RORA: variants seen among roughly 807,000 people sequenced by gnomAD.
The protein encoded by RORA is RAR related orphan receptor A, also known as nuclear receptor ROR-alpha.
RORA carries 7 observed loss-of-function variants against 69.5 expected under a neutral mutation model. The observed-to-expected ratio is 0.10, with a 90% CI of 0.06 to 0.19. RORA has a LOEUF of 0.19. Among genes scored for constraint, RORA ranks in the 10% least tolerant of loss-of-function variants. The probability of loss-of-function intolerance (pLI) is 1.00; values close to 1 mark genes in which losing one functional copy is unlikely to be tolerated. For synonymous variants in RORA, 261 were observed against 240.8 expected (o/e 1.08, Z -0.78); for missense variants, 457 against 663.0 (o/e 0.69, Z 3.41).
At chr15:61,135,295 C>A (rs978714471) in intron 1 of RORA, among the ~76,000 whole-genome samples, 9 of 151,924 alleles carry the variant, frequency 5.9e-5, no homozygotes, top group African/African-American at 2.2e-4. Context: ...TATGCCACCA[C>A]ACTCCAGCCT....
chr15:60,756,795 A>C (rs1335597931), intron 1 of RORA, among the ~76,000 whole-genome samples: 1 of 152,202 alleles, frequency 6.6e-6, no homozygotes, highest in African/African-American at 2.4e-5. Context: ...TTAAATTTCA[A>C]CCTACAGTTC....
intron 1 of RORA, among the ~76,000 whole-genome samples, chr15:60,708,005 C>A (rs2071087882): frequency 6.6e-6 from 1 of 151,422 alleles, no homozygotes. Flanking sequence ...CATTTGCAGG[C>A]CTTTTTTGTG....
chr15:60,998,304 CA>C (rs1239979726), intron 1 of RORA, among the ~76,000 whole-genome samples: 1 of 152,054 alleles, frequency 6.6e-6, no homozygotes, highest in African/African-American at 2.4e-5. Context: ...GCTGCGACTA[CA>C]GGCATGTAAT....
At chr15:60,678,755 TC>T (rs1567152425) in intron 1 of RORA, 69 bp from the exon 2 acceptor site, 1 of 1,343,638 alleles carries the variant, frequency 7.4e-7, no homozygotes, top group Non-Finnish European at 1.1e-6. Context: ...TGTCCGTCAT[TC>T]CCAGTGTGCT....
At chr15:60,768,769 T>G (rs917600500) in intron 1 of RORA, among the ~76,000 whole-genome samples, 3 of 152,190 alleles carry the variant, frequency 2.0e-5, no homozygotes, top group African/African-American at 7.2e-5. Flanking sequence ...TCTAATGAAC[T>G]CATCACATGC....
At chr15:60,658,916 G>A (rs1442240410) in intron 2 of RORA, among the ~76,000 whole-genome samples, 1 of 152,180 alleles carries the variant, frequency 6.6e-6, no homozygotes, top group Non-Finnish European at 1.5e-5. Context: ...GATGGTCCTT[G>A]TGGAATCAGC....
At chr15:60,663,041 T>C (rs1198804087) in intron 2 of RORA, among the ~76,000 whole-genome samples, 1 of 152,174 alleles carries the variant, frequency 6.6e-6, no homozygotes, top group East Asian at 1.9e-4. Flanking sequence ...CTTGCTTCAA[T>C]TTGGTACATC....
intron 3 of RORA, chr15:60,519,974 TG>T (rs1284114350): frequency 1.3e-5 from 2 of 152,188 alleles, no homozygotes; most frequent in Admixed American, 6.5e-5. Context: ...AGTGGCACTG[TG>T]GCTCGAACCA....
intron 5 of RORA, among the ~76,000 whole-genome samples, chr15:60,507,199 C>T (rs2065534330): frequency 6.6e-6 from 1 of 151,924 alleles, no homozygotes; most frequent in African/African-American, 2.4e-5. Flanking sequence ...TGACAAAATC[C>T]CATGAATATA....
At chr15:60,501,693 T>G (rs1349917010) in intron 8 of RORA, among the ~76,000 whole-genome samples, 1 of 152,244 alleles carries the variant, frequency 6.6e-6, no homozygotes. Context: ...AAATGACATA[T>G]TCTGGTGGTA....
At chr15:60,579,409 G>A (rs1266384971) in intron 2 of RORA, among the ~76,000 whole-genome samples, 9 of 151,912 alleles carry the variant, frequency 5.9e-5, no homozygotes, top group Admixed American at 3.3e-4. Flanking sequence ...TGGGGTTCAC[G>A]TAAAGAAGAT....
chr15:61,013,060 T>C (rs2140397495), intron 1 of RORA, among the ~76,000 whole-genome samples: 1 of 152,352 alleles, frequency 6.6e-6, no homozygotes, highest in Middle Eastern at 3.4e-3. Flanking sequence ...ATGTCTTCAA[T>C]TTACTTCATG....
At chr15:60,718,075 C>T (rs147964284) in intron 1 of RORA, among the ~76,000 whole-genome samples, 28 of 152,210 alleles carry the variant, frequency 1.8e-4, no homozygotes, top group African/African-American at 6.7e-4. Context: ...ATTACAGGCA[C>T]ATTGCATTTT....
chr15:60,502,782 G>A lies in RORA; in HGVS notation c.1161C>T (p.Ser387=). ...TACCTAAGGATTTGAAGACGTCGGG[G>A]CTGGCATACTTCCCATCAAAGTACA... The part of the protein sequence containing the change: ...NTVYFDGKYA[S]PDVFKSLGCE... The change falls in exon 8 of 11, where the codon AGC becomes AGT. Residue 387 remains serine, a synonymous_variant. Transcript: ENST00000335670. 6.2e-7 allele frequency: 1 copy of A among 1,612,864 alleles called. No individual in the cohort carries two copies. The highest frequency in any genetic ancestry group is 8.5e-7 in the Non-Finnish European group (1 of 1,178,852).
In RORA at chr15:60,954,638, C is replaced by A. The variant is rs1893214952; in HGVS notation, c.166+274415G>T. Among the ~76,000 whole-genome samples, 3 of 152,044 alleles carry A rather than the reference C, an allele frequency of 2.0e-5. No individual in the cohort carries two copies. In the South Asian group the frequency reaches 6.2e-4, roughly 31 times the overall value. ...TAACAAAAGTGAAAGAAGCCTGTTG[C>A]CAAAAACTTCAAGGGCAAATTCTAT... On this transcript the variant is annotated intron_variant, in intron 1 of 10. Transcript: ENST00000335670.
At chr15:61,021,053 T>C (rs918015757) in intron 1 of RORA, among the ~76,000 whole-genome samples, 3 of 152,150 alleles carry the variant, frequency 2.0e-5, no homozygotes, top group African/African-American at 7.2e-5. Context: ...CGGGCCACAG[T>C]TGGTAACTCT....
At chr15:61,193,901 G>T (rs2079823413) in intron 1 of RORA, 1 of 152,132 alleles carries the variant, frequency 6.6e-6, no homozygotes, top group Admixed American at 6.5e-5. Context: ...ACGTAGGAAG[G>T]GTTGTTGCTC....
chr15:60,668,569 G>A (rs1025424768), intron 2 of RORA, among the ~76,000 whole-genome samples: 4 of 152,132 alleles, frequency 2.6e-5, no homozygotes, highest in South Asian at 2.1e-4. Flanking sequence ...CATTGGCCTC[G>A]GGGGACAGAG....
At chr15:60,831,378 C>G (rs545747318) in intron 1 of RORA, among the ~76,000 whole-genome samples, 56 of 152,226 alleles carry the variant, frequency 3.7e-4, no homozygotes, top group African/African-American at 1.3e-3. Flanking sequence ...GGCTCATTCT[C>G]TCCTGACATC....
Sources: gnomAD v4.1 joint callset for allele counts (sites outside exome capture counted in the v4.1 genomes callset) on GRCh38, gnomAD v4.1.1 for gene constraint, MANE v1.5 for transcripts, NCBI Gene and HGNC (gene_info 2026-07-23, HGNC 2026-07-21) for gene names.